Variants in PCNX1 observed in about 807,000 individuals in gnomAD.
PCNX1 encodes the protein pecanex 1.
Under a neutral mutation model 242.2 loss-of-function variants are expected in PCNX1, and 78 were observed. The ratio of observed to expected loss-of-function variants is 0.32; its 90% CI spans 0.27 to 0.39. The LOEUF (loss-of-function observed/expected upper bound fraction) is 0.39. PCNX1 is among the 10% of genes least tolerant of loss of function. The pLI is 1.00. For missense variants in PCNX1, 2,581 were observed against 2,856.5 expected, an observed-to-expected ratio of 0.90 and a Z score of 2.20; for synonymous variants, 1,024 against 1,032.9, an observed-to-expected ratio of 0.99 and a Z score of 0.17.
At chr14:71,006,145 G>C (rs1046552671) in intron 8 of PCNX1, among the ~76,000 whole-genome samples, 27 of 116,184 alleles carry the variant, frequency 2.3e-4, no homozygotes, top group Admixed American at 5.8e-4. Flanking sequence ...GTGTGTGTGT[G>C]TGTGTGTGTG....
At chr14:71,083,436 G>T (rs1268254889) in intron 28 of PCNX1, among the ~76,000 whole-genome samples, 3 of 152,108 alleles carry the variant, frequency 2.0e-5, no homozygotes, top group Non-Finnish European at 4.4e-5. Flanking sequence ...TAATAATCCT[G>T]AAGAATGTTT....
intron 1 of PCNX1, among the ~76,000 whole-genome samples, chr14:70,933,057 A>C (rs1303890704): frequency 2.0e-5 from 3 of 152,268 alleles, no homozygotes; most frequent in Non-Finnish European, 4.4e-5. Flanking sequence ...ATAATCCAAA[A>C]TTGTAAAACT....
chr14:70,975,395 A>AT (rs1353243473), intron 5 of PCNX1, among the ~76,000 whole-genome samples: 1 of 152,214 alleles, frequency 6.6e-6, no homozygotes, highest in African/African-American at 2.4e-5. Flanking sequence ...GTAATTGGAC[A>AT]TTTATACACT....
chr14:70,952,754 TGTG>T (rs1169859893), intron 2 of PCNX1, among the ~76,000 whole-genome samples: 1 of 152,210 alleles, frequency 6.6e-6, no homozygotes, highest in Admixed American at 6.5e-5. Flanking sequence ...TTTTTTGTCT[TGTG>T]GTACATGTGT....
intron 26 of PCNX1, among the ~76,000 whole-genome samples, chr14:71,068,591 C>CGTGTGTGT (rs373964832): frequency 0.074 from 9,159 of 123,404 alleles, 497 homozygotes; most frequent in Middle Eastern, 0.18. Flanking sequence ...TATGTACGTG[C>CGTGTGTGT]GTGTGTGTGT....
At chr14:71,064,294 A>C (rs889139155) in intron 26 of PCNX1, among the ~76,000 whole-genome samples, 3 of 152,150 alleles carry the variant, frequency 2.0e-5, no homozygotes. Context: ...TATTGACTTC[A>C]TTTTCTGAGC....
intron 27 of PCNX1, among the ~76,000 whole-genome samples, chr14:71,075,560 T>G (rs2061696717): frequency 6.6e-6 from 1 of 152,176 alleles, no homozygotes. Context: ...AGTAAAGTTT[T>G]TTTTACCTCT....
intron 28 of PCNX1, among the ~76,000 whole-genome samples, chr14:71,080,354 G>A (rs377143313): frequency 2.6e-4 from 39 of 152,194 alleles, no homozygotes; most frequent in Admixed American, 3.3e-4. Context: ...TTGGCTATGC[G>A]GGCTCTTTTT....
At chr14:70,972,050 A>G (rs987640322) in intron 5 of PCNX1, among the ~76,000 whole-genome samples, 1 of 152,206 alleles carries the variant, frequency 6.6e-6, no homozygotes, top group African/African-American at 2.4e-5. Flanking sequence ...TCAGCAGATT[A>G]TTGCAGCAAT....
At chr14:71,028,169 C>G (rs573538935) in intron 15 of PCNX1, among the ~76,000 whole-genome samples, 1 of 151,852 alleles carries the variant, frequency 6.6e-6, no homozygotes, top group African/African-American at 2.4e-5. Context: ...GCAATTAGAG[C>G]TACAGTGTCT....
At chr14:71,081,632 C>T (rs2061856941) in intron 28 of PCNX1, among the ~76,000 whole-genome samples, 1 of 152,114 alleles carries the variant, frequency 6.6e-6, no homozygotes, top group African/African-American at 2.4e-5. Context: ...TCCATTTCTT[C>T]TAGACCTAGT....
intron 6 of PCNX1, among the ~76,000 whole-genome samples, chr14:70,984,829 G>C (rs1295185239): frequency 6.6e-6 from 1 of 152,170 alleles, no homozygotes; most frequent in Non-Finnish European, 1.5e-5. Context: ...AAGTATATTA[G>C]TGCCTTTAAT....
intron 28 of PCNX1, among the ~76,000 whole-genome samples, chr14:71,081,410 T>C (rs1418475532): frequency 3.9e-5 from 6 of 151,944 alleles, no homozygotes; most frequent in Non-Finnish European, 8.8e-5. Context: ...AGTCCCTCTT[T>C]TTCTGTTGTT....
chr14:71,104,109 A>C (rs1234245701), intron 32 of PCNX1, among the ~76,000 whole-genome samples: 1 of 152,188 alleles, frequency 6.6e-6, no homozygotes, highest in Non-Finnish European at 1.5e-5. Flanking sequence ...CAATGCAGAG[A>C]TACTACTGCC....
intron 2 of PCNX1, among the ~76,000 whole-genome samples, chr14:70,955,629 G>C (rs1357336053): frequency 6.6e-6 from 1 of 152,196 alleles, no homozygotes; most frequent in Admixed American, 6.5e-5. Flanking sequence ...TGAATTTGTT[G>C]TATTGCTTAC....
chr14:70,961,625 A>C (rs1398649670), intron 2 of PCNX1, among the ~76,000 whole-genome samples: 1 of 152,038 alleles, frequency 6.6e-6, no homozygotes, highest in Non-Finnish European at 1.5e-5. Context: ...TCTTTTTTTA[A>C]CCTTGGCCTT....
chr14:70,921,518 A>T (rs2056373418), intron 1 of PCNX1, among the ~76,000 whole-genome samples: 1 of 152,174 alleles, frequency 6.6e-6, no homozygotes, highest in Non-Finnish European at 1.5e-5. Flanking sequence ...CAAAGTGAGA[A>T]TAAAGATAGC....
intron 1 of PCNX1, among the ~76,000 whole-genome samples, chr14:70,943,490 T>G (rs973080335): frequency 6.6e-6 from 1 of 152,126 alleles, no homozygotes; most frequent in Admixed American, 6.5e-5. Flanking sequence ...ACTTTGAACT[T>G]GAGAGAAATG....
chr14:71,002,628 G>T (rs1177075767), intron 8 of PCNX1, among the ~76,000 whole-genome samples: 1 of 152,102 alleles, frequency 6.6e-6, no homozygotes, highest in Admixed American at 6.5e-5. Flanking sequence ...ACAGCCTTTT[G>T]TATGTACTTT....
Sources: gnomAD v4.1 joint callset for allele counts (sites outside exome capture counted in the v4.1 genomes callset) on GRCh38, gnomAD v4.1.1 for gene constraint, MANE v1.5 for transcripts, NCBI Gene and HGNC (gene_info 2026-07-23, HGNC 2026-07-21) for gene names.